ESCO1: variants seen among roughly 807,000 people sequenced by gnomAD.
The protein encoded by ESCO1 is establishment of sister chromatid cohesion N-acetyltransferase 1, also known as N-acetyltransferase ESCO1.
A neutral mutation model predicts 83.5 loss-of-function variants in ESCO1; 33 were observed. The observed-to-expected ratio is 0.40, with a 90% CI of 0.30 to 0.53. ESCO1 has a LOEUF of 0.53. Ranked by LOEUF, ESCO1 falls within the 20% of genes least tolerant of loss-of-function variation. The pLI is 0.63. For missense variants in ESCO1, 855 were observed against 968.0 expected (o/e 0.88, Z 1.55); for synonymous variants, 332 against 324.3 (o/e 1.02, Z -0.25).
Position 21,564,304 on chromosome 18 carries a change from T to C in ESCO1, c.1720A>G (p.Asn574Asp). The C allele has an allele frequency of 6.2e-7, 1 of 1,607,330 alleles. No homozygotes were observed. The highest frequency in any genetic ancestry group is 1.1e-5 in the South Asian group (1 of 89,662). ...GAATTACACTTAGGCAAAGAATGAT[T>C]TCGTGGTGTCTCCCTTAAAAAAAAT... ...KSSDNRETPR[N>D]HSLPKCNSHL... The change falls in exon 7 of 12, where the codon AAT becomes GAT. Residue 574 changes from asparagine (N) to aspartate (D), a missense_variant. Coordinates refer to ENST00000269214, the MANE Select transcript of ESCO1 (RefSeq NM_052911.3).
intron 8 of ESCO1, among the ~76,000 whole-genome samples, chr18:21,545,248 T>C (rs1262414183): frequency 6.6e-6 from 1 of 152,156 alleles, no homozygotes; most frequent in Non-Finnish European, 1.5e-5. Flanking sequence ...GTACTTTCTT[T>C]ACATGTTATA....
intron 1 of ESCO1, among the ~76,000 whole-genome samples, chr18:21,587,919 C>G (rs1234410354): frequency 6.6e-6 from 1 of 151,748 alleles, no homozygotes; most frequent in African/African-American, 2.4e-5. Flanking sequence ...AAACAAACAA[C>G]AACAAAATAA....
intron 2 of ESCO1, among the ~76,000 whole-genome samples, chr18:21,577,862 T>C (rs1297364442): frequency 6.6e-6 from 1 of 152,086 alleles, no homozygotes; most frequent in Non-Finnish European, 1.5e-5. Context: ...ACCCACTCTG[T>C]TCATTCAAAA....
intron 1 of ESCO1, among the ~76,000 whole-genome samples, chr18:21,586,686 C>T (rs2038586592): frequency 6.6e-6 from 1 of 152,088 alleles, no homozygotes. Context: ...ATGTCATCTG[C>T]AAAGAGAGAG....
chr18:21,547,006 C>T (rs190757162), intron 8 of ESCO1, among the ~76,000 whole-genome samples: 1 of 152,310 alleles, frequency 6.6e-6, no homozygotes, highest in East Asian at 1.9e-4. Flanking sequence ...CTTTCACATA[C>T]TGCTCTCTTG....
At position 21,587,556 on chromosome 18, in the gene ESCO1, G is replaced by A. The variant is rs141292485; in HGVS notation, c.-824-3116C>T. Among the ~76,000 whole-genome samples the A allele has an allele frequency of 3.3e-5, 5 of 152,126 alleles. No individual in the cohort carries two copies. The East Asian group carries it at 9.7e-4, about 29-fold the overall frequency. ...TTCCCTTTTAACCCTTTTTATTTTA[G>A]TAATATCTCTCATTCCTTATTTTAG... On this transcript the variant is annotated intron_variant, in intron 1 of 11. Coordinates refer to ENST00000269214, the MANE Select transcript of ESCO1 (RefSeq NM_052911.3).
At position 21,554,106 on chromosome 18, in the gene ESCO1, T is replaced by C. The variant is rs908348933; in HGVS notation, c.1953+6753A>G. On this transcript the variant is annotated intron_variant, in intron 8 of 11. Coordinates refer to ENST00000269214, the MANE Select transcript of ESCO1 (RefSeq NM_052911.3). Reference sequence around the variant, plus strand: ...AAACAGTAACATACCACTACAAGCCTATTAGAAAGGCCAAAATCCAGAACA... The same window carrying C: ...AAACAGTAACATACCACTACAAGCCCATTAGAAAGGCCAAAATCCAGAACA... 3.3e-5 allele frequency among the ~76,000 whole-genome samples: 5 copies of C among 152,150 alleles called. No homozygotes were observed. In the East Asian group the frequency reaches 7.7e-4, roughly 23 times the overall value.
chr18:21,566,735 CT>C lies in ESCO1; in HGVS notation c.1646-530del, dbSNP rs377405974. ...ATAAGCCGGGTGTGGTGATGTGTGC[CT>C]GTAATCCCAGCTGCCCAGGAGGCTG... is the stretch of plus-strand genomic sequence containing the variant. On this transcript the variant is annotated intron_variant, in intron 5 of 11. Transcript: ENST00000269214. Among the ~76,000 whole-genome samples the C allele has an allele frequency of 4.1e-4, 62 of 152,062 alleles. 1 individual carries two copies. The highest frequency in any genetic ancestry group is 1.4e-3 in the African/African-American group (60 of 41,498).
chr18:21,557,464 A>G (rs921176311), intron 8 of ESCO1, among the ~76,000 whole-genome samples: 1 of 152,200 alleles, frequency 6.6e-6, no homozygotes, highest in African/African-American at 2.4e-5. Context: ...GACCACTTCT[A>G]AGTTGCAAAG....
chr18:21,600,438 C>G (rs561754325), intron 1 of ESCO1, among the ~76,000 whole-genome samples, 185 bp downstream of exon 1: 1 of 152,358 alleles, frequency 6.6e-6, no homozygotes, highest in Non-Finnish European at 1.5e-5. Context: ...GTCTTGGAGC[C>G]TAGAGCCTCC....
intron 10 of ESCO1, among the ~76,000 whole-genome samples, chr18:21,532,946 T>C (rs1443632951): frequency 1.3e-5 from 2 of 152,162 alleles, no homozygotes; most frequent in African/African-American, 4.8e-5. Flanking sequence ...AAGTAATATA[T>C]GCAAAGTACC....
At position 21,575,268 on chromosome 18, in the gene ESCO1, T is replaced by C. The variant is rs1370567260; in HGVS notation, c.-425A>G. 2.6e-6 allele frequency: 1 copy of C among 391,758 alleles called. No homozygotes were observed. The highest frequency in any genetic ancestry group is 4.5e-6 in the Non-Finnish European group (1 of 222,234). The allele number at this position is 391,758 out of a possible 1,614,324, so 24.3% of individuals were successfully genotyped here. On this transcript the variant is annotated 5_prime_UTR_variant, in exon 4 of 12. Coordinates refer to ENST00000269214, the MANE Select transcript of ESCO1 (RefSeq NM_052911.3). ...ATAAAATTTTTGAAAACTTTTTTCT[T>C]CTGAAGTCTACAGTTATTGGACTTC...
At chr18:21,582,626 A>T (rs2038517997) in intron 2 of ESCO1, among the ~76,000 whole-genome samples, 1 of 152,254 alleles carries the variant, frequency 6.6e-6, no homozygotes, top group Non-Finnish European at 1.5e-5. Context: ...ACTGGGGAAA[A>T]ATACTGGCAA....
At position 21,550,123 on chromosome 18, in the gene ESCO1, T is replaced by C. The variant is rs375360612; in HGVS notation, c.1954-10114A>G. The stretch of plus-strand genomic sequence containing the variant: ...CAGAAATGAACCAGCCCTTCCTAAG[T>C]GAGCAGAGACCAGTAGCCATTTTTA... On this transcript the variant is annotated intron_variant, in intron 8 of 11. Coordinates refer to ENST00000269214, the MANE Select transcript of ESCO1 (RefSeq NM_052911.3). 6.5e-4 allele frequency among the ~76,000 whole-genome samples: 99 copies of C among 152,300 alleles called. No individual in the cohort carries two copies. The Middle Eastern group carries it at 0.014, about 21-fold the overall frequency.
rs1349046995 is a variant in ESCO1 at position 21,536,044 on chromosome 18, A to T, written c.2185T>A (p.Trp729Arg). 52 of 1,613,646 alleles carry T rather than the reference A, an allele frequency of 3.2e-5. No homozygotes were observed. The highest frequency in any genetic ancestry group is 4.2e-5 in the Non-Finnish European group (49 of 1,179,866). Reference protein sequence around the residue: ...VGCLIAEHIQWGYRVIEEKLP... With the variant: ...VGCLIAEHIQRGYRVIEEKLP... ...AAGAACACTCTTTTATCACTTACCC[A>T]TTGGATATGTTCCGCAATTAGGCAG... Residue 729 changes from tryptophan to arginine, a missense_variant and splice_region_variant, in exon 10 of 12, where the codon TGG becomes AGG. By Grantham distance (101) the Trp-to-Arg change is moderately radical. This residue lies in a region of ESCO1 where 129 missense variants were observed against 268.5 expected (regional missense o/e 0.48). Coordinates refer to ENST00000269214, the MANE Select transcript of ESCO1 (RefSeq NM_052911.3).
intron 4 of ESCO1, among the ~76,000 whole-genome samples, chr18:21,570,010 G>A (rs1229455994): frequency 6.6e-6 from 1 of 152,106 alleles, no homozygotes; most frequent in Non-Finnish European, 1.5e-5. Flanking sequence ...GAACCAATAT[G>A]GTCACCACCA....
intron 5 of ESCO1, 31 bp downstream of exon 5, chr18:21,567,949 T>C: frequency 5.2e-6 from 8 of 1,534,906 alleles, no homozygotes; most frequent in African/African-American, 1.4e-5. Flanking sequence ...CTGAAGACTA[T>C]GAAATCCAAA....
chr18:21,547,157 C>A (rs1009405123), intron 8 of ESCO1, among the ~76,000 whole-genome samples: 2 of 152,126 alleles, frequency 1.3e-5, no homozygotes, highest in African/African-American at 4.8e-5. Flanking sequence ...CCCTGTATAT[C>A]CTAAAATACT....
rs749496933 is a variant in ESCO1 at position 21,574,684 on chromosome 18, C to G, written c.160G>C (p.Glu54Gln). The part of the protein sequence containing the change: ...TIKSQAKSSS[E>Q]SKINQPELET... The stretch of plus-strand genomic sequence containing the variant: ...AATTCTGGCTGATTTATTTTACTTT[C>G]ACTGGAAGATTTAGCCTGTGATTTT... The change falls in exon 4 of 12, where the codon GAA becomes CAA. Residue 54 changes from glutamate (E) to glutamine (Q), a missense_variant. Coordinates refer to ENST00000269214, the MANE Select transcript of ESCO1 (RefSeq NM_052911.3). The G allele has an allele frequency of 6.2e-7, 1 of 1,613,508 alleles. No individual in the cohort carries two copies. Among genetic ancestry groups the G allele is most frequent in the Non-Finnish European group, 8.5e-7 (1 of 1,179,974 alleles).
Sources: allele counts gnomAD v4.1 joint callset (sites outside exome capture counted in the v4.1 genomes callset), GRCh38; gene constraint gnomAD v4.1.1; regional missense constraint gnomAD v4.1.1; transcripts MANE v1.5; gene names NCBI Gene and HGNC (gene_info 2026-07-23, HGNC 2026-07-21).